KPNB1: variants seen among roughly 807,000 people sequenced by gnomAD.
KPNB1 encodes the protein importin subunit beta-1.
KPNB1 carries 7 observed loss-of-function variants against 113.0 expected under a neutral mutation model. The observed-to-expected ratio is 0.06, with a 90% CI of 0.04 to 0.12. KPNB1 has a LOEUF of 0.12. Among genes scored for constraint, KPNB1 ranks in the 10% least tolerant of loss-of-function variants. The pLI is 1.00. For synonymous variants in KPNB1, 363 were observed against 378.6 expected (o/e 0.96, Z 0.48); for missense variants, 400 against 1,054.8 (o/e 0.38, Z 8.60).
chr17:47,682,274 AGT>A (rs1432233840), intron 21 of KPNB1, 128 bp from the exon 22 acceptor site: 6 of 728,466 alleles, frequency 8.2e-6, no homozygotes, highest in Non-Finnish European at 1.3e-5. Flanking sequence ...AAGAAGAAAG[AGT>A]GTCAATCCTT....
intron 6 of KPNB1, 98 bp downstream of exon 6, chr17:47,661,276 C>A (rs1034362198): frequency 1.1e-6 from 1 of 908,912 alleles, no homozygotes; most frequent in Non-Finnish European, 1.8e-6. Context: ...TTGACTTCAG[C>A]AATAAGGTTT....
chr17:47,682,028 C>T (rs2030801593), intron 21 of KPNB1, among the ~76,000 whole-genome samples: 1 of 152,068 alleles, frequency 6.6e-6, no homozygotes, highest in African/African-American at 2.4e-5. Context: ...GACAAGATCT[C>T]CTGTTGCCCA....
chr17:47,658,719 A>T lies in KPNB1; in HGVS notation c.636+59A>T, dbSNP rs565732010. ...CAGTAAGGGATGAAAGAGTTGAATGAAAGTTTTTTGTTTTGTTTTCTTAAG... is the reference window on the plus strand; with the variant it reads ...CAGTAAGGGATGAAAGAGTTGAATGTAAGTTTTTTGTTTTGTTTTCTTAAG... On this transcript the variant is annotated intron_variant, in intron 5 of 21. Coordinates refer to ENST00000290158, the MANE Select transcript of KPNB1 (RefSeq NM_002265.6). 5 of 1,472,248 alleles carry T rather than the reference A, an allele frequency of 3.4e-6. No homozygotes were observed. The African/African-American group carries it at 4.2e-5, about 12-fold the overall frequency. The allele number at this position is 1,472,248 out of a possible 1,614,324, so 91.2% of individuals were successfully genotyped here. A position where few individuals can be genotyped will look rare whatever the true frequency, so the allele number is the denominator to read the frequency against.
At chr17:47,668,025 A>G (rs2030343494) in intron 9 of KPNB1, among the ~76,000 whole-genome samples, 161 bp from the exon 10 acceptor site, 1 of 152,196 alleles carries the variant, frequency 6.6e-6, no homozygotes, top group Non-Finnish European at 1.5e-5. Flanking sequence ...AACAAAGGCT[A>G]TGCTGTGATG....
chr17:47,660,917 C>G (rs2030072830), intron 5 of KPNB1, among the ~76,000 whole-genome samples: 1 of 152,200 alleles, frequency 6.6e-6, no homozygotes, highest in South Asian at 2.1e-4. Context: ...GAGGGCAAGT[C>G]ACATAGCAGA....
chr17:47,651,644 C>A (rs1236904432), intron 2 of KPNB1, among the ~76,000 whole-genome samples: 2 of 152,122 alleles, frequency 1.3e-5, no homozygotes, highest in East Asian at 1.9e-4. Context: ...AGCTTTTTAT[C>A]TTATTCCTAA....
At chr17:47,662,986 T>A (rs1381103072) in intron 6 of KPNB1, 103 bp from the exon 7 acceptor site, 1 of 755,642 alleles carries the variant, frequency 1.3e-6, no homozygotes, top group African/African-American at 1.7e-5. Flanking sequence ...ATCCCATATT[T>A]ACCTCAATTA....
In KPNB1 at chr17:47,683,563, C is replaced by G. The variant is rs1235140604; in HGVS notation, c.*1159C>G. On this transcript the variant is annotated 3_prime_UTR_variant, in exon 22 of 22. Transcript: ENST00000290158. ...CACATACACACAAAACAGCAAACTTCAGGTAACTATTTTGGATTGCAAACA... is the reference window on the plus strand; with the variant it reads ...CACATACACACAAAACAGCAAACTTGAGGTAACTATTTTGGATTGCAAACA... 3.4e-5 allele frequency: 5 copies of G among 148,556 alleles called. No homozygotes were observed. Among genetic ancestry groups the G allele is most frequent in the African/African-American group, 1.3e-4 (5 of 39,922 alleles). The allele number at this position is 148,556 out of a possible 1,614,324, so 9.2% of individuals were successfully genotyped here.
chr17:47,658,312 T>C (rs1047177425), intron 4 of KPNB1, among the ~76,000 whole-genome samples, 196 bp from the exon 5 acceptor site: 1 of 152,206 alleles, frequency 6.6e-6, no homozygotes, highest in African/African-American at 2.4e-5. Flanking sequence ...GCTATATTAA[T>C]AGTTGGTATA....
chr17:47,673,494 A>G lies in KPNB1; in HGVS notation c.1700A>G (p.His567Arg). Reference sequence around the variant, plus strand: ...GTTTTCTTATTTTCTTTGTAGTCACATATCCAGAGCACATCCGATAGAATC... The same window carrying G: ...GTTTTCTTATTTTCTTTGTAGTCACGTATCCAGAGCACATCCGATAGAATC... ...RLQQVLQMES[H>R]IQSTSDRIQF... Residue 567 changes from histidine to arginine, a missense_variant, in exon 14 of 22, where the codon CAT (histidine) becomes CGT (arginine). Physicochemically the swap from His to Arg is conservative, Grantham distance 29 (BLOSUM62 0). Around this residue, in one of 2 missense-constraint regions of KPNB1, gnomAD observed 115 missense variants for 427.9 expected, o/e 0.27. Coordinates refer to ENST00000290158, the MANE Select transcript of KPNB1 (RefSeq NM_002265.6). The G allele has an allele frequency of 6.2e-7, 1 of 1,612,428 alleles. No homozygotes were observed. Among genetic ancestry groups the G allele is most frequent in the Non-Finnish European group, 8.5e-7 (1 of 1,178,488 alleles).
chr17:47,656,440 C>A (rs1157665636), intron 3 of KPNB1, among the ~76,000 whole-genome samples: 3 of 152,012 alleles, frequency 2.0e-5, no homozygotes, highest in Admixed American at 2.0e-4. Context: ...CTAAGCTACT[C>A]AGGGAGGCCT....
intron 5 of KPNB1, among the ~76,000 whole-genome samples, 175 bp from the exon 6 acceptor site, chr17:47,660,944 T>A (rs2030073733): frequency 6.6e-6 from 1 of 152,212 alleles, no homozygotes; most frequent in Non-Finnish European, 1.5e-5. Flanking sequence ...AGGTAAACTC[T>A]TTATAGCCTT....
intron 1 of KPNB1, 37 bp downstream of exon 1, chr17:47,650,321 T>C: frequency 6.2e-7 from 1 of 1,610,128 alleles, no homozygotes; most frequent in Non-Finnish European, 8.5e-7. Context: ...CTGAGGTGAT[T>C]GGGGTGGGGG....
intron 19 of KPNB1, 120 bp downstream of exon 19, chr17:47,678,533 A>G (rs2030678269): frequency 1.4e-6 from 1 of 701,326 alleles, no homozygotes; most frequent in Non-Finnish European, 2.6e-6. Context: ...AAAGGCTGGG[A>G]GAAGGGGGAG....
intron 5 of KPNB1, among the ~76,000 whole-genome samples, chr17:47,660,277 C>G (rs1278533274): frequency 6.6e-6 from 1 of 152,158 alleles, no homozygotes; most frequent in Non-Finnish European, 1.5e-5. Context: ...TAAGGGGTAG[C>G]ATTTGTCAAA....
intron 6 of KPNB1, 131 bp downstream of exon 6, chr17:47,661,309 T>G: frequency 1.3e-6 from 1 of 744,824 alleles, no homozygotes; most frequent in Non-Finnish European, 2.3e-6. Context: ...TACTAATAAT[T>G]AATATTCTGG....
At chr17:47,661,463 G>T (rs1481683262) in intron 6 of KPNB1, among the ~76,000 whole-genome samples, 2 of 152,108 alleles carry the variant, frequency 1.3e-5, no homozygotes, top group African/African-American at 4.8e-5. Context: ...TTAGCTGGGT[G>T]TGGTGGCACG....
At chr17:47,679,568 T>A (rs573213646) in intron 19 of KPNB1, among the ~76,000 whole-genome samples, 1 of 152,370 alleles carries the variant, frequency 6.6e-6, no homozygotes, top group African/African-American at 2.4e-5. Flanking sequence ...AAGAATAATT[T>A]GATATAACTA....
rs1317938752 is a variant in KPNB1, at chr17:47,670,595, A to G, written c.1417-107A>G. ...CTGTCTTGAGATGACCTTGGCAGAAAAAGTTGGAAGTTCACTGACACGGCC... is the reference window on the plus strand; with the variant it reads ...CTGTCTTGAGATGACCTTGGCAGAAGAAGTTGGAAGTTCACTGACACGGCC... On this transcript the variant is annotated intron_variant, in intron 11 of 21. Coordinates refer to ENST00000290158, the MANE Select transcript of KPNB1 (RefSeq NM_002265.6). 4.2e-6 allele frequency: 5 copies of G among 1,194,506 alleles called. 1 individual carries two copies. In the East Asian group the frequency reaches 7.2e-5, roughly 17 times the overall value. The allele number at this position is 1,194,506 out of a possible 1,614,324, so 74.0% of individuals were successfully genotyped here.
Sources: allele counts gnomAD v4.1 joint callset (sites outside exome capture counted in the v4.1 genomes callset), GRCh38; gene constraint gnomAD v4.1.1; regional missense constraint gnomAD v4.1.1; transcripts MANE v1.5; gene names NCBI Gene and HGNC (gene_info 2026-07-23, HGNC 2026-07-21).